Variants in WDPCP observed in about 807,000 individuals in gnomAD.
WDPCP encodes the protein WD repeat containing planar cell polarity effector.
A neutral mutation model predicts 93.1 loss-of-function variants in WDPCP; 71 were observed. That is an observed-to-expected ratio of 0.76 (90% CI 0.63 to 0.93). The LOEUF is 0.93. Ranked by LOEUF, WDPCP falls within the 40% of genes least tolerant of loss-of-function variation. The pLI is 0.00. For missense variants in WDPCP, 844 were observed against 887.4 expected (o/e 0.95, Z 0.62); for synonymous variants, 315 against 315.0 (o/e 1.00, Z 0.00).
intron 15 of WDPCP, among the ~76,000 whole-genome samples, chr2:63,165,152 G>T (rs976235306): frequency 3.3e-5 from 5 of 152,152 alleles, no homozygotes; most frequent in African/African-American, 1.2e-4. Context: ...AAGAGACAAA[G>T]TGGAAACTTT....
intron 3 of WDPCP, among the ~76,000 whole-genome samples, chr2:63,623,125 A>C (rs963566485): frequency 1.3e-5 from 2 of 152,258 alleles, no homozygotes; most frequent in African/African-American, 4.8e-5. Flanking sequence ...TCTTTTACAG[A>C]CAAGCAAATG....
chr2:63,298,218 C>A (rs1299038154), intron 13 of WDPCP, among the ~76,000 whole-genome samples: 1 of 151,988 alleles, frequency 6.6e-6, no homozygotes, highest in Non-Finnish European at 1.5e-5. Flanking sequence ...GGGATAGGCC[C>A]CCATGTGGAG....
At chr2:63,144,809 T>C (rs1671360849) in intron 17 of WDPCP, among the ~76,000 whole-genome samples, 1 of 152,162 alleles carries the variant, frequency 6.6e-6, no homozygotes. Flanking sequence ...CTAGTGTGAT[T>C]TTTTGGGGGT....
intron 13 of WDPCP, among the ~76,000 whole-genome samples, chr2:63,266,950 A>G (rs1181080919): frequency 2.0e-5 from 3 of 152,198 alleles, no homozygotes; most frequent in African/African-American, 7.2e-5. Flanking sequence ...CAAAATTCCA[A>G]TGTCATTTTT....
chr2:63,493,076 A>G (rs7563623), intron 1 of WDPCP, 136 bp from the exon 2 acceptor site: 555,180 of 722,044 alleles, frequency 0.77, 216,619 homozygotes, highest in East Asian at 0.98. Flanking sequence ...GAATAAACAT[A>G]CTCTAGTGTA....
At chr2:63,779,625 C>T (rs192429726) in intron 2 of WDPCP, among the ~76,000 whole-genome samples, 3 of 152,234 alleles carry the variant, frequency 2.0e-5, no homozygotes, top group East Asian at 3.9e-4. Flanking sequence ...AAATCACCAT[C>T]GATCTCTAGG....
intron 3 of WDPCP, among the ~76,000 whole-genome samples, chr2:63,629,137 G>A (rs1709840315): frequency 6.6e-6 from 1 of 152,126 alleles, no homozygotes; most frequent in Admixed American, 6.5e-5. Context: ...AACACCAACA[G>A]GCACAGACAA....
chr2:63,139,729 T>C (rs1025656933), intron 17 of WDPCP, among the ~76,000 whole-genome samples: 1 of 152,354 alleles, frequency 6.6e-6, no homozygotes. Context: ...GTTAGATGTA[T>C]AGATTGTGAA....
At chr2:63,182,923 T>C (rs903702380) in intron 14 of WDPCP, among the ~76,000 whole-genome samples, 4 of 151,940 alleles carry the variant, frequency 2.6e-5, no homozygotes, top group Middle Eastern at 3.2e-3. Flanking sequence ...TTTTCTAGTT[T>C]GTGAGTGTAG....
chr2:63,463,456 G>A (rs957126929), intron 6 of WDPCP, among the ~76,000 whole-genome samples: 1 of 152,122 alleles, frequency 6.6e-6, no homozygotes, highest in Non-Finnish European at 1.5e-5. Flanking sequence ...ACCAAGAGTT[G>A]GGTTCATTTG....
At chr2:63,472,272 G>A (rs1036870227) in intron 6 of WDPCP, among the ~76,000 whole-genome samples, 3 of 151,246 alleles carry the variant, frequency 2.0e-5, no homozygotes, top group African/African-American at 4.9e-5. Flanking sequence ...CACAAAATAT[G>A]CCTATTAATC....
At chr2:63,362,401 GA>G (rs780459439) in intron 12 of WDPCP, among the ~76,000 whole-genome samples, 59 of 151,228 alleles carry the variant, frequency 3.9e-4, no homozygotes, top group Non-Finnish European at 6.6e-4. Flanking sequence ...AGAGTGACTA[GA>G]AAATTTGTTA....
intron 2 of WDPCP, among the ~76,000 whole-genome samples, chr2:63,730,487 G>A (rs1047912667): frequency 8.6e-5 from 13 of 151,974 alleles, no homozygotes; most frequent in Admixed American, 2.6e-4. Context: ...TTTTTGAGAC[G>A]GAGTCTCGCT....
intron 3 of WDPCP, among the ~76,000 whole-genome samples, chr2:63,602,604 T>C (rs1011499443): frequency 2.0e-5 from 3 of 152,140 alleles, no homozygotes; most frequent in Admixed American, 1.3e-4. Flanking sequence ...TAATTACAAG[T>C]GTAGATTCCT....
In WDPCP at chr2:63,433,881, G is replaced by C. The variant is rs372998753; in HGVS notation, c.689C>G (p.Ala230Gly). ...PINKTTERHL[A>G]INCVHDRVVC... ...AACTCTATCATGAACACAGTTGATA[G>C]CTAGATGTCGCTCTGTTGTCTTGTT... is the stretch of plus-strand genomic sequence containing the variant. The change falls in exon 9 of 18, where the codon GCT (alanine) becomes GGT (glycine). Residue 230 changes from alanine (A) to glycine (G), a missense_variant. Coordinates refer to ENST00000272321, the MANE Select transcript of WDPCP (RefSeq NM_015910.7). 1 of 1,613,996 alleles carries C rather than the reference G, an allele frequency of 6.2e-7. No homozygotes were observed. Among genetic ancestry groups the C allele is most frequent in the Non-Finnish European group, 8.5e-7 (1 of 1,179,926 alleles).
At chr2:63,374,570 T>C (rs1246882641) in intron 12 of WDPCP, among the ~76,000 whole-genome samples, 2 of 152,170 alleles carry the variant, frequency 1.3e-5, no homozygotes, top group East Asian at 1.9e-4. Context: ...GAAAAAGCCA[T>C]GTATACATGG....
At position 63,557,034 on chromosome 2, in the gene WDPCP, G is replaced by T. The variant is rs181151875; in HGVS notation, c.75+31163C>A. On this transcript the variant is annotated intron_variant, in intron 1 of 17. Coordinates refer to ENST00000272321, the MANE Select transcript of WDPCP (RefSeq NM_015910.7). ...CTAAAGGAAGCACTAAATATGGAAA[G>T]GAAAGAACGTTATCAACCACTACAA... 2.6e-5 allele frequency among the ~76,000 whole-genome samples: 4 copies of T among 152,312 alleles called. No individual in the cohort carries two copies. In the East Asian group the frequency reaches 7.7e-4, roughly 29 times the overall value.
At chr2:63,676,831 G>C (rs966487243) in intron 2 of WDPCP, among the ~76,000 whole-genome samples, 1 of 151,938 alleles carries the variant, frequency 6.6e-6, no homozygotes, top group Non-Finnish European at 1.5e-5. Flanking sequence ...ACAAGTCCAT[G>C]TATAACTGGT....
chr2:63,139,906 G>GT (rs1387151264), intron 17 of WDPCP, among the ~76,000 whole-genome samples: 1 of 152,126 alleles, frequency 6.6e-6, no homozygotes, highest in Non-Finnish European at 1.5e-5. Context: ...GTCTAGAAGG[G>GT]TTTTTCCAAT....
Sources: gnomAD v4.1 joint callset for allele counts (sites outside exome capture counted in the v4.1 genomes callset) on GRCh38, gnomAD v4.1.1 for gene constraint, MANE v1.5 for transcripts, NCBI Gene and HGNC (gene_info 2026-07-23, HGNC 2026-07-21) for gene names.